MAP3K15: variants seen among roughly 807,000 people sequenced by gnomAD.
The protein encoded by MAP3K15 is mitogen-activated protein kinase kinase kinase 15.
Under a neutral mutation model 99.5 loss-of-function variants are expected in MAP3K15, and 124 were observed. The ratio of observed to expected loss-of-function variants is 1.25; its 90% CI spans 1.08 to 1.45. MAP3K15 has a LOEUF of 1.45. Among genes scored for constraint, MAP3K15 ranks in the 40% most tolerant of loss-of-function variants. MAP3K15 has a pLI of 0.00. For missense variants in MAP3K15, 1,242 were observed against 1,079.7 expected (o/e 1.15, Z -2.11); for synonymous variants, 494 against 439.6 (o/e 1.12, Z -1.55).
intron 16 of MAP3K15, 82 bp from the exon 17 acceptor site, chrX:19,392,555 C>G: frequency 1.0e-6 from 1 of 975,804 alleles, no homozygotes; most frequent in Non-Finnish European, 1.4e-6. Context: ...GGTGAGGTTT[C>G]TAACCTAACC....
chrX:19,388,976 C>T (rs150631337), intron 18 of MAP3K15, among the ~76,000 whole-genome samples: 125 of 111,919 alleles, frequency 1.1e-3, no homozygotes, highest in African/African-American at 3.9e-3. Context: ...CAACGAAGTA[C>T]CCATACACAC....
chrX:19,370,890 T>G, intron 24 of MAP3K15, 69 bp downstream of exon 24: 1 of 803,621 alleles, frequency 1.2e-6, no homozygotes, highest in Non-Finnish European at 1.9e-6. Context: ...CAACAACTGT[T>G]GAATGAAGAG....
At position 19,373,523 on chromosome X, in the gene MAP3K15, A is replaced by G; in HGVS notation, c.2933+13T>C. On this transcript the variant is annotated intron_variant, in intron 21 of 28. Coordinates refer to ENST00000338883, the MANE Select transcript of MAP3K15 (RefSeq NM_001001671.4). The stretch of plus-strand genomic sequence containing the variant: ...TTTCGGGCCCGCGGCAGACAGACAG[A>G]ATACGGGTGTACCTGAGGAGGTGGC... The G allele has an allele frequency of 1.7e-6, 2 of 1,167,679 alleles. No individual in the cohort carries two copies. The highest frequency in any genetic ancestry group is 1.1e-6 in the Non-Finnish European group (1 of 872,997).
At chrX:19,419,888 C>T (rs2063768464) in intron 9 of MAP3K15, among the ~76,000 whole-genome samples, 1 of 112,041 alleles carries the variant, frequency 8.9e-6, no homozygotes, top group South Asian at 3.7e-4. Context: ...AAGAAACTCA[C>T]TCAAAACCGC....
chrX:19,429,798 GA>G (rs2063865753), intron 7 of MAP3K15, among the ~76,000 whole-genome samples: 1 of 84,610 alleles, frequency 1.2e-5, no homozygotes, highest in African/African-American at 7.1e-5. Context: ...GAGAGAGAGA[GA>G]GAGAGAGAGA....
chrX:19,512,426 C>A (rs1454609530), intron 1 of MAP3K15, among the ~76,000 whole-genome samples: 5 of 111,878 alleles, frequency 4.5e-5, no homozygotes, highest in African/African-American at 1.6e-4. Context: ...GGAAAGAGTT[C>A]TGTAACTTCA....
intron 1 of MAP3K15, among the ~76,000 whole-genome samples, chrX:19,508,017 G>A (rs1000773614): frequency 1.4e-4 from 16 of 110,927 alleles, no homozygotes; most frequent in Non-Finnish European, 2.3e-4. Context: ...ACAGGTGCCC[G>A]CCACCATGCC....
At chrX:19,387,401 C>T (rs1428162123) in intron 18 of MAP3K15, among the ~76,000 whole-genome samples, 1 of 111,611 alleles carries the variant, frequency 9.0e-6, no homozygotes, top group East Asian at 2.8e-4. Flanking sequence ...GATTGATTGA[C>T]TGATTGACAG....
At chrX:19,452,012 TC>T (rs200385165) in intron 6 of MAP3K15, among the ~76,000 whole-genome samples, 1,021 of 100,964 alleles carry the variant, frequency 0.01, 10 homozygotes, top group African/African-American at 0.038. Flanking sequence ...TGAGCCAAGA[TC>T]ATGCCACTGC....
chrX:19,374,369 G>T (rs1032677147), intron 20 of MAP3K15, 108 bp downstream of exon 20: 15 of 763,237 alleles, frequency 2.0e-5, no homozygotes, highest in Non-Finnish European at 2.9e-5. Context: ...GACGTGAGCA[G>T]CCCAGGGCTC....
Position 19,464,939 on chromosome X carries a change from T to A in MAP3K15, c.526-533A>T, listed in dbSNP as rs375766306. Among the ~76,000 whole-genome samples, 49 of 111,432 alleles carry A rather than the reference T, an allele frequency of 4.4e-4. No individual in the cohort carries two copies. In the East Asian group the frequency reaches 0.011, roughly 24 times the overall value. On this transcript the variant is annotated intron_variant, in intron 3 of 28. Transcript: ENST00000338883. Reference sequence around the variant, plus strand: ...CAGGGTCTTGCTCTGTCACCTAGACTGAAGTGCAGTGGCGCGAACATGGCT... The same window carrying A: ...CAGGGTCTTGCTCTGTCACCTAGACAGAAGTGCAGTGGCGCGAACATGGCT...
rs1462572675 is a variant in MAP3K15 at position 19,497,660 on chromosome X, T to C, written c.362-8693A>G. On this transcript the variant is annotated intron_variant, in intron 1 of 28. Coordinates refer to ENST00000338883, the MANE Select transcript of MAP3K15 (RefSeq NM_001001671.4). The stretch of plus-strand genomic sequence containing the variant: ...CATTTCCTTTTTGTCCCATTTATTC[T>C]ACATTTCTTTTACTCTCAATATTAA... The C allele has an allele frequency of 1.8e-5, 2 of 111,442 alleles. 1 individual carries two copies. The highest frequency in any genetic ancestry group is 5.6e-4 in the East Asian group (2 of 3,577). The allele number at this position is 111,442 out of a possible 1,213,427, so 9.2% of individuals were successfully genotyped here. A position where few individuals can be genotyped will look rare whatever the true frequency, so the allele number is the denominator to read the frequency against.
At chrX:19,423,801 G>A (rs2063806568) in intron 9 of MAP3K15, among the ~76,000 whole-genome samples, 1 of 111,571 alleles carries the variant, frequency 9.0e-6, no homozygotes. Context: ...CTAACGATAT[G>A]ATTCATCTTC....
chrX:19,515,296 G>T lies in MAP3K15; in HGVS notation c.-35C>A. The T allele has an allele frequency of 1.2e-6, 1 of 842,977 alleles. No individual in the cohort carries two copies. The highest frequency in any genetic ancestry group is 5.7e-5 in the East Asian group (1 of 17,656). 69.5% of individuals were successfully genotyped at this position (842,977 alleles called of 1,213,427 possible). A position where few individuals can be genotyped will look rare whatever the true frequency, so the allele number is the denominator to read the frequency against. On this transcript the variant is annotated 5_prime_UTR_variant, in exon 1 of 29. Coordinates refer to ENST00000338883, the MANE Select transcript of MAP3K15 (RefSeq NM_001001671.4). ...TGCGCGCCCTTCCCCTGGGCGAGTG[G>T]CCAGCGGCTGCGATCCGCTAGGAGG...
At chrX:19,475,471 C>G (rs1173039768) in intron 3 of MAP3K15, among the ~76,000 whole-genome samples, 2 of 111,064 alleles carry the variant, frequency 1.8e-5, no homozygotes, top group African/African-American at 6.6e-5. Context: ...ATAGGCTCCT[C>G]CAGACTGGCA....
intron 9 of MAP3K15, among the ~76,000 whole-genome samples, chrX:19,417,882 A>C (rs1025989506): frequency 3.6e-5 from 4 of 111,865 alleles, no homozygotes; most frequent in Non-Finnish European, 7.5e-5. Flanking sequence ...TCTGCTGTTC[A>C]CCAATATCCG....
At position 19,398,264 on chromosome X, in the gene MAP3K15, C is replaced by T. The variant is rs751302843; in HGVS notation, c.2028G>A (p.Val676=). 5.0e-6 allele frequency: 6 copies of T among 1,211,336 alleles called. No homozygotes were observed. The highest frequency in any genetic ancestry group is 5.6e-6 in the Non-Finnish European group (5 of 895,436). ...CCGGGATTTCTTTGATGGCTATTCG[C>T]ACTTGATTGCTCAGATCTCGGCCAG... The part of the protein sequence containing the change: ...VYAGRDLSNQ[V]RIAIKEIPER... Residue 676 remains valine (V), a synonymous_variant, in exon 15 of 29, where the codon GTG becomes GTA. Coordinates refer to ENST00000338883, the MANE Select transcript of MAP3K15 (RefSeq NM_001001671.4).
At chrX:19,367,455 A>G (rs2063341989) in intron 25 of MAP3K15, among the ~76,000 whole-genome samples, 1 of 109,767 alleles carries the variant, frequency 9.1e-6, no homozygotes, top group Admixed American at 9.9e-5. Context: ...CTGCACTTGT[A>G]CTCTTGAACT....
chrX:19,490,606 G>A (rs191026171), intron 1 of MAP3K15, among the ~76,000 whole-genome samples: 64 of 109,908 alleles, frequency 5.8e-4, no homozygotes, highest in African/African-American at 2.1e-3. Context: ...AAAATTAGCC[G>A]GGTGTGGTGG....
Sources: gnomAD v4.1 joint callset for allele counts (sites outside exome capture counted in the v4.1 genomes callset) on GRCh38, gnomAD v4.1.1 for gene constraint, MANE v1.5 for transcripts, NCBI Gene and HGNC (gene_info 2026-07-23, HGNC 2026-07-21) for gene names.